DISC1: variants seen among roughly 807,000 people sequenced by gnomAD.
DISC1 encodes the protein disrupted in schizophrenia 1 protein.
Under a neutral mutation model 84.5 loss-of-function variants are expected in DISC1, and 57 were observed. That is an observed-to-expected ratio of 0.67 (90% CI 0.55 to 0.84). The LOEUF is 0.84. Ranked by LOEUF, DISC1 falls within the 40% of genes least tolerant of loss-of-function variation. DISC1 has a pLI of 0.00. For missense variants in DISC1, 1,000 were observed against 1,057.8 expected (o/e 0.95, Z 0.76); for synonymous variants, 411 against 415.2 (o/e 0.99, Z 0.12).
chr1:231,987,809 G>T (rs928801516), intron 10 of DISC1, among the ~76,000 whole-genome samples: 2 of 152,164 alleles, frequency 1.3e-5, no homozygotes, highest in African/African-American at 4.8e-5. Context: ...GTTACCACAT[G>T]TATTAAAATT....
intron 9 of DISC1, among the ~76,000 whole-genome samples, chr1:231,935,715 T>G (rs2090944487): frequency 1.3e-5 from 2 of 152,214 alleles, no homozygotes. Flanking sequence ...GAAAATTCCT[T>G]AAGTTGCCCA....
chr1:231,709,636 T>C (rs1348052989), intron 3 of DISC1, among the ~76,000 whole-genome samples: 1 of 152,118 alleles, frequency 6.6e-6, no homozygotes, highest in Non-Finnish European at 1.5e-5. Flanking sequence ...GCTTCAAGGT[T>C]AGGTGTGATG....
At chr1:231,753,878 A>G (rs975525186) in intron 4 of DISC1, among the ~76,000 whole-genome samples, 1 of 152,168 alleles carries the variant, frequency 6.6e-6, no homozygotes, top group African/African-American at 2.4e-5. Flanking sequence ...TAAATCATTA[A>G]TCTCAAGTTC....
intron 9 of DISC1, among the ~76,000 whole-genome samples, chr1:231,840,427 A>G (rs2125858624): frequency 6.6e-6 from 1 of 152,352 alleles, no homozygotes; most frequent in South Asian, 2.1e-4. Context: ...AGTGGATAGA[A>G]TAACAAACTA....
At chr1:231,933,601 T>A (rs1404336163) in intron 9 of DISC1, among the ~76,000 whole-genome samples, 1 of 152,338 alleles carries the variant, frequency 6.6e-6, no homozygotes, top group East Asian at 1.9e-4. Flanking sequence ...AAAACATTCG[T>A]TCTCATCCCT....
intron 9 of DISC1, among the ~76,000 whole-genome samples, chr1:231,868,332 CTTTATT>C (rs1223205637): frequency 6.6e-6 from 1 of 152,024 alleles, no homozygotes; most frequent in Non-Finnish European, 1.5e-5. Context: ...CATCGTTTTC[CTTTATT>C]TTTCATCTCT....
At chr1:231,855,351 A>G (rs904246035) in intron 9 of DISC1, 5 of 979,222 alleles carry the variant, frequency 5.1e-6, no homozygotes, top group African/African-American at 1.8e-5. Flanking sequence ...TAAACAGTAC[A>G]TTAAAAAGAC....
rs142630235 is a variant in DISC1 at position 231,702,782 on chromosome 1, G to C, written c.1117+758G>C. 55 of 174,940 alleles carry C rather than the reference G, an allele frequency of 3.1e-4. 1 individual carries two copies. In the East Asian group the frequency reaches 9.9e-3, roughly 32 times the overall value. The allele number at this position is 174,940 out of a possible 1,614,324, so 10.8% of individuals were successfully genotyped here. ...AAAGCTTTCAGGTATGGTTGTCCTG[G>C]GAACAATCCTGAAAACTTTAGATGC... On this transcript the variant is annotated intron_variant, in intron 3 of 12. Coordinates refer to ENST00000439617, the MANE Select transcript of DISC1 (RefSeq NM_018662.3).
chr1:231,892,995 C>G (rs1229221826), intron 9 of DISC1, among the ~76,000 whole-genome samples: 1 of 152,026 alleles, frequency 6.6e-6, no homozygotes, highest in Non-Finnish European at 1.5e-5. Flanking sequence ...AACCCTATCT[C>G]TACTAAAAAA....
chr1:231,851,382 C>T (rs910480044), intron 9 of DISC1, among the ~76,000 whole-genome samples: 12 of 152,166 alleles, frequency 7.9e-5, no homozygotes, highest in South Asian at 2.1e-4. Flanking sequence ...ACCTACTGAG[C>T]ATCCTCTCGC....
chr1:231,718,820 T>C (rs2125082555), intron 3 of DISC1, among the ~76,000 whole-genome samples: 1 of 152,286 alleles, frequency 6.6e-6, no homozygotes, highest in East Asian at 1.9e-4. Context: ...ACTTACCACC[T>C]CCTTCTCCTA....
chr1:231,669,595 T>A (rs1399118980), intron 1 of DISC1, among the ~76,000 whole-genome samples: 1 of 152,038 alleles, frequency 6.6e-6, no homozygotes, highest in East Asian at 1.9e-4. Context: ...AAAGAAGACA[T>A]ACATGCAGAC....
In DISC1 at chr1:231,663,943, A is replaced by G. The variant is rs575677926; in HGVS notation, c.68-29883A>G. ...CTAAGGATTAGCTAATAGAAGCATC[A>G]TAGGTATTAAGTTGGACAGATATGG... On this transcript the variant is annotated intron_variant, in intron 1 of 12. Transcript: ENST00000439617. Among the ~76,000 whole-genome samples, 3 of 152,320 alleles carry G rather than the reference A, an allele frequency of 2.0e-5. No homozygotes were observed. In the East Asian group the frequency reaches 5.8e-4, roughly 29 times the overall value.
chr1:231,663,542 C>G (rs1423281829), intron 1 of DISC1, among the ~76,000 whole-genome samples: 1 of 152,180 alleles, frequency 6.6e-6, no homozygotes, highest in Non-Finnish European at 1.5e-5. Context: ...CTACAACTTG[C>G]AATGAACATT....
At chr1:231,763,023 T>C (rs1312334195) in intron 4 of DISC1, among the ~76,000 whole-genome samples, 1 of 152,170 alleles carries the variant, frequency 6.6e-6, no homozygotes, top group Admixed American at 6.5e-5. Flanking sequence ...GGCTGTGCAC[T>C]CTCCACGTTG....
intron 9 of DISC1, among the ~76,000 whole-genome samples, chr1:231,827,536 T>C (rs1489365152): frequency 6.6e-6 from 1 of 152,246 alleles, no homozygotes; most frequent in African/African-American, 2.4e-5. Flanking sequence ...TACTTTTTCT[T>C]TGAAGCTGCC....
intron 9 of DISC1, among the ~76,000 whole-genome samples, chr1:231,914,057 C>T (rs916549244): frequency 1.3e-5 from 2 of 152,154 alleles, no homozygotes; most frequent in African/African-American, 4.8e-5. Flanking sequence ...GGGAGACAGC[C>T]CAGGGCTGGC....
At chr1:231,812,255 G>T (rs1267798330) in intron 8 of DISC1, among the ~76,000 whole-genome samples, 1 of 152,038 alleles carries the variant, frequency 6.6e-6, no homozygotes, top group East Asian at 1.9e-4. Flanking sequence ...TGGGGGTCTT[G>T]CTATGTTGCC....
At chr1:231,865,219 C>G (rs977993388) in intron 9 of DISC1, among the ~76,000 whole-genome samples, 2 of 152,216 alleles carry the variant, frequency 1.3e-5, no homozygotes, top group African/African-American at 2.4e-5. Flanking sequence ...ACCTGGGAGT[C>G]TGACAATTGC....
Sources: gnomAD v4.1 joint callset for allele counts (sites outside exome capture counted in the v4.1 genomes callset) on GRCh38, gnomAD v4.1.1 for gene constraint, MANE v1.5 for transcripts, NCBI Gene and HGNC (gene_info 2026-07-23, HGNC 2026-07-21) for gene names.